CLIP4: variants seen among roughly 807,000 people sequenced by gnomAD.
The protein encoded by CLIP4 is CAP-Gly domain-containing linker protein 4.
Under a neutral mutation model 73.1 loss-of-function variants are expected in CLIP4, and 47 were observed. The ratio of observed to expected loss-of-function variants is 0.64; its 90% CI spans 0.51 to 0.82. CLIP4 has a LOEUF of 0.82. Among genes scored for constraint, CLIP4 ranks in the 40% least tolerant of loss-of-function variants. CLIP4 has a pLI of 0.00. For missense variants in CLIP4, 874 were observed against 852.9 expected (o/e 1.02, Z -0.31); for synonymous variants, 306 against 295.4 (o/e 1.04, Z -0.37).
At chr2:29,174,291 C>A in intron 14 of CLIP4, 82 bp from the exon 15 acceptor site, 1 of 1,154,910 alleles carries the variant, frequency 8.7e-7, no homozygotes, top group Admixed American at 2.2e-5. Context: ...AGAACATCTA[C>A]AGAAGAAGTG....
intron 11 of CLIP4, among the ~76,000 whole-genome samples, chr2:29,157,831 A>G (rs1054179149): frequency 1.3e-5 from 2 of 152,236 alleles, no homozygotes; most frequent in Non-Finnish European, 2.9e-5. Flanking sequence ...AAAACACTTT[A>G]TCAGACTTCT....
In CLIP4 at chr2:29,133,749, G is replaced by A. The variant is rs781539688; in HGVS notation, c.462G>A (p.Leu154=). 4 of 1,613,442 alleles carry A rather than the reference G, an allele frequency of 2.5e-6. No individual in the cohort carries two copies. The Admixed American group carries it at 5.0e-5, about 20-fold the overall frequency. The change falls in exon 5 of 16, where the codon TTG becomes TTA. Residue 154 remains leucine (L), a synonymous_variant. Transcript: ENST00000320081. ...LRSRWTNMNA[L]HYAAYFDVPE... ...GTCGCTGGACAAACATGAATGCTTT[G>A]CATTATGCTGCTTATTTTGATGTCC...
chr2:29,127,896 G>T (rs149140880), intron 2 of CLIP4, among the ~76,000 whole-genome samples: 2,246 of 152,078 alleles, frequency 0.015, 108 homozygotes, highest in Admixed American at 0.1. Context: ...AAGGAAATTT[G>T]GTTGTTTATT....
chr2:29,110,204 T>C (rs1474488122), intron 1 of CLIP4, among the ~76,000 whole-genome samples: 1 of 152,178 alleles, frequency 6.6e-6, no homozygotes, highest in Non-Finnish European at 1.5e-5. Context: ...GAAGCCCCAT[T>C]CAGATAATAA....
intron 14 of CLIP4, chr2:29,167,864 ATAAT>A (rs369995480): frequency 1.0e-3 from 200 of 194,978 alleles, no homozygotes; most frequent in African/African-American, 4.2e-3. Flanking sequence ...ATATCAATAA[ATAAT>A]ATGTGTTCAG....
intron 15 of CLIP4, among the ~76,000 whole-genome samples, chr2:29,180,624 A>G (rs1310411322): frequency 1.3e-5 from 2 of 152,196 alleles, no homozygotes; most frequent in African/African-American, 2.4e-5. Flanking sequence ...ATTTGTTTGC[A>G]TATGAAAAAA....
intron 1 of CLIP4, among the ~76,000 whole-genome samples, chr2:29,100,558 A>T (rs950214339): frequency 6.6e-6 from 1 of 151,888 alleles, no homozygotes; most frequent in Non-Finnish European, 1.5e-5. Context: ...CCCTACCCCC[A>T]TGAAGTTCAC....
At chr2:29,178,902 A>G (rs1245578289) in intron 15 of CLIP4, among the ~76,000 whole-genome samples, 3 of 152,146 alleles carry the variant, frequency 2.0e-5, no homozygotes, top group South Asian at 4.2e-4. Context: ...TCAAGCGATT[A>G]TCATGCCTCA....
intron 8 of CLIP4, among the ~76,000 whole-genome samples, chr2:29,150,905 C>T (rs1333027717): frequency 6.6e-6 from 1 of 152,184 alleles, no homozygotes; most frequent in African/African-American, 2.4e-5. Flanking sequence ...CAGATGTGAG[C>T]CACAGCGCCT....
intron 1 of CLIP4, among the ~76,000 whole-genome samples, chr2:29,117,191 G>A (rs1663913749): frequency 6.6e-6 from 1 of 152,122 alleles, no homozygotes; most frequent in South Asian, 2.1e-4. Flanking sequence ...AAGAGCTTTC[G>A]GAGACCAGAA....
Position 29,160,374 on chromosome 2 carries a change from T to C in CLIP4, c.1441T>C (p.Cys481Arg). Residue 481 changes from cysteine to arginine, a missense_variant, in exon 12 of 16, where the codon TGC (cysteine) becomes CGC (arginine). Transcript: ENST00000320081. ...SATSTANNSR[C>R]EGELRLGERV... ...AACATCTACAGCAAATAATAGCCGTTGCGAGGGGGAACTCCGCCTCGGAGA... is the reference window on the plus strand; with the variant it reads ...AACATCTACAGCAAATAATAGCCGTCGCGAGGGGGAACTCCGCCTCGGAGA... The C allele has an allele frequency of 6.2e-7, 1 of 1,614,160 alleles. No homozygotes were observed. The highest frequency in any genetic ancestry group is 8.5e-7 in the Non-Finnish European group (1 of 1,180,020).
At chr2:29,152,214 G>A (rs1666618994) in intron 8 of CLIP4, among the ~76,000 whole-genome samples, 1 of 152,112 alleles carries the variant, frequency 6.6e-6, no homozygotes, top group Admixed American at 6.5e-5. Context: ...ACTTCCAAAG[G>A]AGTTGTAAGT....
At chr2:29,128,092 C>T (rs1664729552) in intron 2 of CLIP4, among the ~76,000 whole-genome samples, 1 of 151,880 alleles carries the variant, frequency 6.6e-6, no homozygotes, top group African/African-American at 2.4e-5. Flanking sequence ...ATCAAATAAG[C>T]CTAGTTAGTT....
intron 2 of CLIP4, 129 bp from the exon 3 acceptor site, chr2:29,131,129 G>A (rs1231346456): frequency 2.1e-6 from 2 of 930,464 alleles, no homozygotes; most frequent in Non-Finnish European, 3.1e-6. Flanking sequence ...TCCTTATTTA[G>A]ATACTTCTGA....
intron 10 of CLIP4, 80 bp from the exon 11 acceptor site, chr2:29,157,124 C>A: frequency 8.1e-7 from 1 of 1,237,368 alleles, no homozygotes; most frequent in Non-Finnish European, 1.2e-6. Flanking sequence ...TGAAGAATTT[C>A]AGAAAGATTT....
Position 29,140,076 on chromosome 2 carries a change from T to A in CLIP4, c.649-3633T>A, listed in dbSNP as rs201378054. Among the ~76,000 whole-genome samples the A allele has an allele frequency of 1.1e-4, 16 of 152,216 alleles. No homozygotes were observed. In the East Asian group the frequency reaches 2.7e-3, roughly 26 times the overall value. On this transcript the variant is annotated intron_variant, in intron 6 of 15. Coordinates refer to ENST00000320081, the MANE Select transcript of CLIP4 (RefSeq NM_024692.6). Reference sequence around the variant, plus strand: ...GTTTTTATTTATTTATTTTTATTTTTTATTTTGTTTCTTTTATTATACTTT... The same window carrying A: ...GTTTTTATTTATTTATTTTTATTTTATATTTTGTTTCTTTTATTATACTTT...
chr2:29,140,124 A>G (rs554713838), intron 6 of CLIP4, among the ~76,000 whole-genome samples: 46 of 151,850 alleles, frequency 3.0e-4, no homozygotes, highest in Middle Eastern at 6.8e-3. Flanking sequence ...ACTTGTGCAC[A>G]ATGTGCAGGT....
At chr2:29,174,591 A>C in intron 15 of CLIP4, 146 bp downstream of exon 15, 1 of 1,378,124 alleles carries the variant, frequency 7.3e-7, no homozygotes, top group Non-Finnish European at 9.3e-7. Context: ...GTGTATTGAG[A>C]AGCGTTCTTC....
chr2:29,176,258 T>C (rs1668338917), intron 15 of CLIP4, among the ~76,000 whole-genome samples: 1 of 152,140 alleles, frequency 6.6e-6, no homozygotes, highest in Admixed American at 6.6e-5. Context: ...GAGTTGATTG[T>C]GTGTTGTGCT....
Sources: gnomAD v4.1 joint callset for allele counts (sites outside exome capture counted in the v4.1 genomes callset) on GRCh38, gnomAD v4.1.1 for gene constraint, MANE v1.5 for transcripts, NCBI Gene and HGNC (gene_info 2026-07-23, HGNC 2026-07-21) for gene names.